The following SLC4A5 variants were observed in gnomAD, a reference collection of about 807,000 sequenced individuals.
SLC4A5 encodes the protein solute carrier family 4 member 5.
In SLC4A5, 96 loss-of-function variants were observed where a neutral mutation model predicts 120.4. The observed-to-expected ratio is 0.80, with a 90% CI of 0.68 to 0.94. The LOEUF is 0.94. Ranked by LOEUF, SLC4A5 falls within the 40% of genes least tolerant of loss-of-function variation. SLC4A5 has a pLI of 0.00. For synonymous variants in SLC4A5, 550 were observed against 571.1 expected (o/e 0.96, Z 0.53); for missense variants, 1,259 against 1,459.5 (o/e 0.86, Z 2.24).
exon 31 of SLC4A5, chr2:74,217,807 C>G (rs1558860734): frequency 6.6e-6 from 1 of 151,748 alleles, no homozygotes; most frequent in East Asian, 1.9e-4. Context: ...ATGGTTCAAA[C>G]TTTTTTTTTG....
chr2:74,268,872 A>T (rs959052329), intron 8 of SLC4A5, among the ~76,000 whole-genome samples: 2 of 152,250 alleles, frequency 1.3e-5, no homozygotes, highest in African/African-American at 4.8e-5. Flanking sequence ...TCTTCACGTA[A>T]CTGTATATTT....
intron 23 of SLC4A5, 34 bp downstream of exon 23, chr2:74,233,366 AAG>A (rs1411598425): frequency 1.2e-6 from 2 of 1,610,956 alleles, no homozygotes; most frequent in Admixed American, 1.7e-5. Flanking sequence ...TGTGGGAAGA[AAG>A]AGGTTATGCC....
chr2:74,242,557 A>G (rs1271254161), intron 19 of SLC4A5, among the ~76,000 whole-genome samples: 1 of 152,180 alleles, frequency 6.6e-6, no homozygotes, highest in Non-Finnish European at 1.5e-5. Flanking sequence ...AAGGTCACAC[A>G]GTTCATACTC....
intron 2 of SLC4A5, among the ~76,000 whole-genome samples, chr2:74,340,194 AT>A (rs1448068114): frequency 1.3e-5 from 2 of 152,228 alleles, no homozygotes; most frequent in Non-Finnish European, 2.9e-5. Flanking sequence ...AAAATGGTCA[AT>A]CTTATGCTTA....
At chr2:74,259,705 A>G (rs1347046272) in intron 11 of SLC4A5, 62 bp from the exon 12 acceptor site, 3 of 1,527,528 alleles carry the variant, frequency 2.0e-6, no homozygotes, top group South Asian at 1.1e-5. Flanking sequence ...TCCCTTTCCT[A>G]TGGGCCCTAC....
Position 74,255,715 on chromosome 2 carries a change from G to A in SLC4A5, c.1025+60C>T. On this transcript the variant is annotated intron_variant, in intron 13 of 30. Transcript: ENST00000394019. This position sits in a 1 kb window ranked among gnomAD's most constrained non-coding sequence, Gnocchi z 4.0. ...CTAACAGTCAACAGCACTGCTTGCT[G>A]ACTGCACTGCTGACTGGCTACCTGA... The A allele has an allele frequency of 6.3e-7, 1 of 1,595,792 alleles. No individual in the cohort carries two copies. Among genetic ancestry groups the A allele is most frequent in the South Asian group, 1.1e-5 (1 of 89,460 alleles).
chr2:74,223,830 C>T (rs1274238527), intron 28 of SLC4A5, among the ~76,000 whole-genome samples: 2 of 152,076 alleles, frequency 1.3e-5, no homozygotes, highest in African/African-American at 4.8e-5. Context: ...AATTAAGGAC[C>T]AGGGGAGTTC....
intron 4 of SLC4A5, among the ~76,000 whole-genome samples, chr2:74,330,138 A>T (rs1447720325): frequency 6.6e-6 from 1 of 150,876 alleles, no homozygotes; most frequent in Non-Finnish European, 1.5e-5. Context: ...TGAGGTGTAG[A>T]TGGAGGTGGT....
In SLC4A5 at chr2:74,304,418, CT is replaced by C. The variant is rs1672573218; in HGVS notation, c.271+70del. 3.5e-6 allele frequency: 5 copies of C among 1,446,834 alleles called. No individual in the cohort carries two copies. In the South Asian group the frequency reaches 7.1e-5, roughly 21 times the overall value. The allele number at this position is 1,446,834 out of a possible 1,614,324, so 89.6% of individuals were successfully genotyped here. Reference sequence around the variant, plus strand: ...ACCCACATTCTCCAGAAAATCCCCCCTGCCCTGCTGGGTCCCATCTGGACAC... The same window carrying C: ...ACCCACATTCTCCAGAAAATCCCCCCGCCCTGCTGGGTCCCATCTGGACAC... On this transcript the variant is annotated intron_variant, in intron 7 of 30. Transcript: ENST00000394019.
Position 74,264,304 on chromosome 2 carries a change from G to A in SLC4A5, c.563-5C>T, listed in dbSNP as rs373681289. The A allele has an allele frequency of 7.4e-6, 12 of 1,612,888 alleles. No homozygotes were observed. Among genetic ancestry groups the A allele is most frequent in the African/African-American group, 1.3e-5 (1 of 74,938 alleles). ...TCTGCTTCTCAATGACATCATCTGT[G>A]TGGAAAACATACACACCTCATCCCT... On this transcript the variant is annotated splice_region_variant and splice_polypyrimidine_tract_variant and intron_variant, in intron 9 of 30. Coordinates refer to ENST00000394019, the Ensembl canonical transcript of SLC4A5.
At chr2:74,336,112 G>A (rs932557462) in intron 3 of SLC4A5, among the ~76,000 whole-genome samples, 2 of 152,100 alleles carry the variant, frequency 1.3e-5, no homozygotes, top group Admixed American at 6.5e-5. Flanking sequence ...CTGTCACCTA[G>A]GCTAGAGTGC....
chr2:74,286,205 G>C (rs924873733), intron 7 of SLC4A5, among the ~76,000 whole-genome samples: 1 of 152,216 alleles, frequency 6.6e-6, no homozygotes, highest in Non-Finnish European at 1.5e-5. Context: ...CAGAACTGAA[G>C]AGAGAAGTGA....
At chr2:74,265,881 A>G (rs1671286137) in intron 8 of SLC4A5, among the ~76,000 whole-genome samples, 1 of 152,110 alleles carries the variant, frequency 6.6e-6, no homozygotes, top group Non-Finnish European at 1.5e-5. Context: ...TGTCCTTTCT[A>G]GAAGACTTGG....
At chr2:74,299,747 G>A (rs1672424059) in intron 7 of SLC4A5, among the ~76,000 whole-genome samples, 2 of 152,158 alleles carry the variant, frequency 1.3e-5, no homozygotes. Context: ...TGGAGAAAAG[G>A]GAACACTTGT....
chr2:74,301,727 C>T (rs889312951), intron 7 of SLC4A5, among the ~76,000 whole-genome samples: 2 of 152,186 alleles, frequency 1.3e-5, no homozygotes. Flanking sequence ...ACATACAATG[C>T]CCATTTTGCT....
At chr2:74,282,234 C>T (rs1245401052) in intron 8 of SLC4A5, among the ~76,000 whole-genome samples, 1 of 152,174 alleles carries the variant, frequency 6.6e-6, no homozygotes, top group Non-Finnish European at 1.5e-5. Flanking sequence ...CTGGTCATAC[C>T]TTGGAGAGTT....
intron 7 of SLC4A5, among the ~76,000 whole-genome samples, chr2:74,288,454 TG>T (rs1390386999): frequency 6.6e-6 from 1 of 152,220 alleles, no homozygotes; most frequent in Non-Finnish European, 1.5e-5. Flanking sequence ...CTTATCTCTC[TG>T]GAACTTCAGA....
intron 11 of SLC4A5, 130 bp downstream of exon 11, chr2:74,262,007 C>T (rs1671151862): frequency 1.3e-6 from 1 of 756,546 alleles, no homozygotes; most frequent in Non-Finnish European, 2.1e-6. Context: ...AGTTAGGCTC[C>T]TCCTGATGCA....
Position 74,227,798 on chromosome 2 carries a change from G to A in SLC4A5, c.2916+12C>T, listed in dbSNP as rs752505449. 11 of 1,601,556 alleles carry A rather than the reference G, an allele frequency of 6.9e-6. No homozygotes were observed. The African/African-American group carries it at 1.5e-4, about 22-fold the overall frequency. On this transcript the variant is annotated intron_variant, in intron 26 of 30. Coordinates refer to ENST00000394019, the Ensembl canonical transcript of SLC4A5. ...CTCCAGATCATGAAGGGATCTGGAG[G>A]GAAAGCCTTACCTGGATGCCATTCA... is the stretch of plus-strand genomic sequence containing the variant.
Sources: gnomAD v4.1 joint callset for allele counts (sites outside exome capture counted in the v4.1 genomes callset) on GRCh38, gnomAD v4.1.1 for gene constraint, Gnocchi (gnomAD v3.1) non-coding constraint, MANE v1.5 for transcripts, NCBI Gene and HGNC (gene_info 2026-07-23, HGNC 2026-07-21) for gene names.